The following SLC38A11 variants were observed in gnomAD, a reference collection of about 807,000 sequenced individuals.
SLC38A11 encodes the protein solute carrier family 38 member 11, also known as putative sodium-coupled neutral amino acid transporter 11.
In SLC38A11, 51 loss-of-function variants were observed where a neutral mutation model predicts 49.4. The observed-to-expected ratio is 1.03, with a 90% CI of 0.83 to 1.30. SLC38A11 has a LOEUF of 1.30. Ranked by LOEUF, SLC38A11 falls within the 50% of genes most tolerant of loss-of-function variation. The pLI, the probability that SLC38A11 is intolerant of heterozygous loss-of-function variation, is 0.00. For synonymous variants in SLC38A11, 203 were observed against 192.9 expected (o/e 1.05, Z -0.43); for missense variants, 574 against 556.2 (o/e 1.03, Z -0.32).
chr2:164,916,451 G>C (rs1406092261), intron 7 of SLC38A11, among the ~76,000 whole-genome samples: 1 of 151,918 alleles, frequency 6.6e-6, no homozygotes, highest in East Asian at 1.9e-4. Flanking sequence ...TACTAATTGA[G>C]GATGTACTAT....
chr2:164,952,842 T>G, intron 2 of SLC38A11, 61 bp from the exon 3 acceptor site: 1 of 1,269,656 alleles, frequency 7.9e-7, no homozygotes, highest in Non-Finnish European at 1.1e-6. Flanking sequence ...ACACAGAAAT[T>G]CCCCCCTTCA....
At chr2:164,940,247 TATATATATATCAC>T (rs914960311) in intron 5 of SLC38A11, among the ~76,000 whole-genome samples, 13 of 135,866 alleles carry the variant, frequency 9.6e-5, no homozygotes, top group African/African-American at 3.5e-4. Flanking sequence ...TATATATATA[TATATATATATCAC>T]ATATATAATT....
chr2:164,954,280 A>T (rs1281521243), intron 2 of SLC38A11, among the ~76,000 whole-genome samples: 1 of 152,218 alleles, frequency 6.6e-6, no homozygotes, highest in African/African-American at 2.4e-5. Context: ...TCAAATAATG[A>T]TGGACCCTTC....
chr2:164,906,357 A>G (rs1259466205), intron 11 of SLC38A11, among the ~76,000 whole-genome samples: 2 of 152,184 alleles, frequency 1.3e-5, no homozygotes, highest in Non-Finnish European at 2.9e-5. Context: ...ACATTAAAGA[A>G]AGCATCTTGT....
chr2:164,914,779 C>T (rs1685653818), intron 9 of SLC38A11, among the ~76,000 whole-genome samples: 1 of 152,006 alleles, frequency 6.6e-6, no homozygotes, highest in South Asian at 2.1e-4. Flanking sequence ...CAGAGAGATT[C>T]GGGAGAATCC....
rs1281713686 is a variant in SLC38A11, at chr2:164,931,174, T to C, written c.617+6176A>G. Among the ~76,000 whole-genome samples the C allele has an allele frequency of 2.3e-5, 3 of 128,582 alleles. No individual in the cohort carries two copies. In the Admixed American group the frequency reaches 2.8e-4, roughly 12 times the overall value. The allele number at this position is 128,582 out of a possible 152,430, so 84.4% of individuals were successfully genotyped here. On this transcript the variant is annotated intron_variant, in intron 7 of 11. Transcript: ENST00000685975. ...ACAATTGCCACACACAAAAAGTACC[T>C]AGGAATACAGCTAAGCAGGGAGGTG...
intron 2 of SLC38A11, among the ~76,000 whole-genome samples, chr2:164,953,931 T>G (rs1336671823): frequency 2.0e-5 from 3 of 152,166 alleles, no homozygotes; most frequent in African/African-American, 7.2e-5. Context: ...ATTACTATAA[T>G]GCAATGCACT....
At chr2:164,954,297 T>A (rs1360512908) in intron 2 of SLC38A11, among the ~76,000 whole-genome samples, 4 of 152,056 alleles carry the variant, frequency 2.6e-5, no homozygotes, top group Non-Finnish European at 4.4e-5. Flanking sequence ...CTTCAGTAAG[T>A]GGAAAAAGTA....
chr2:164,944,611 C>G lies in SLC38A11; in HGVS notation c.388G>C (p.Ala130Pro), dbSNP rs1687986416. The G allele has an allele frequency of 2.2e-6, 3 of 1,336,178 alleles. No individual in the cohort carries two copies. The highest frequency in any genetic ancestry group is 4.6e-5 in the South Asian group (2 of 43,352). 82.8% of individuals were successfully genotyped at this position (1,336,178 alleles called of 1,614,324 possible). The part of the protein sequence containing the change: ...FIAMISYNII[A>P]GDTLSKVFQR... ...AAAACTTTGCTCAAAGTATCTCCAGCTATTATATTGTAACTTATCATTGCT... is the reference window on the plus strand; with the variant it reads ...AAAACTTTGCTCAAAGTATCTCCAGGTATTATATTGTAACTTATCATTGCT... The change falls in exon 5 of 12, where the codon GCT (alanine) becomes CCT (proline). Residue 130 changes from alanine (A) to proline (P), a missense_variant. Transcript: ENST00000685975.
intron 11 of SLC38A11, 137 bp downstream of exon 11, chr2:164,908,503 T>C: frequency 1.3e-6 from 1 of 753,516 alleles, no homozygotes; most frequent in Non-Finnish European, 2.0e-6. Context: ...ATTGAAAATA[T>C]TTACTATTAC....
chr2:164,913,998 A>G (rs1368934613), intron 9 of SLC38A11, among the ~76,000 whole-genome samples: 1 of 152,048 alleles, frequency 6.6e-6, no homozygotes. Context: ...CCAGGTTTTC[A>G]GAAAACTAAG....
chr2:164,925,426 T>C (rs1157026113), intron 7 of SLC38A11, among the ~76,000 whole-genome samples: 1 of 152,164 alleles, frequency 6.6e-6, no homozygotes, highest in Non-Finnish European at 1.5e-5. Context: ...TCCAGATAAT[T>C]CTTTGTCACT....
rs200284770 is a variant in SLC38A11 at position 164,947,117 on chromosome 2, C to CTTTTTTTTTTTTTTTT, written c.230-1406_230-1391dup. Among the ~76,000 whole-genome samples the CTTTTTTTTTTTTTTTT allele has an allele frequency of 4.9e-4, 36 of 72,912 alleles. 8 individuals carry two copies. Among genetic ancestry groups the CTTTTTTTTTTTTTTTT allele is most frequent in the African/African-American group, 2.1e-3 (27 of 12,990 alleles). 47.8% of individuals were successfully genotyped at this position (72,912 alleles called of 152,430 possible). ...CCTGGATTCTTGGACTTTTTTATCT[C>CTTTTTTTTTTTTTTTT]TTTTTTTTTTTTTTTTTTTTTTTTT... is the stretch of plus-strand genomic sequence containing the variant. On this transcript the variant is annotated intron_variant, in intron 3 of 11. Transcript: ENST00000685975.
intron 3 of SLC38A11, 77 bp downstream of exon 3, chr2:164,952,628 ATG>A (rs35633373): frequency 0.34 from 247,914 of 736,820 alleles, 21,267 homozygotes; most frequent in South Asian, 0.43. Context: ...CAGTTGCAGC[ATG>A]TGTGTGTGTG....
At chr2:164,949,798 G>A (rs1008953457) in intron 3 of SLC38A11, 4 of 152,232 alleles carry the variant, frequency 2.6e-5, no homozygotes, top group African/African-American at 7.2e-5. Flanking sequence ...CATGATGGCT[G>A]AGAACGTCTG....
chr2:164,936,553 G>A (rs1687386605), intron 7 of SLC38A11, among the ~76,000 whole-genome samples: 1 of 151,966 alleles, frequency 6.6e-6, no homozygotes, highest in African/African-American at 2.4e-5. Context: ...AAACATTTAA[G>A]GTATCCTGGA....
At chr2:164,909,338 A>G (rs1320816351) in intron 10 of SLC38A11, among the ~76,000 whole-genome samples, 1 of 152,158 alleles carries the variant, frequency 6.6e-6, no homozygotes, top group Non-Finnish European at 1.5e-5. Context: ...CAGGAAAGCA[A>G]TAAAAAATTA....
intron 5 of SLC38A11, among the ~76,000 whole-genome samples, chr2:164,942,049 C>T (rs17353673): frequency 0.069 from 10,461 of 152,190 alleles, 397 homozygotes; most frequent in Admixed American, 0.1. Flanking sequence ...GTTTTCTCCA[C>T]TGGGCTTGTC....
intron 3 of SLC38A11, among the ~76,000 whole-genome samples, chr2:164,947,208 T>C (rs1688191998): frequency 7.3e-6 from 1 of 137,726 alleles, no homozygotes; most frequent in African/African-American, 2.7e-5. Context: ...CCTGGCTCAC[T>C]GCAACTTCCG....
Sources: allele counts gnomAD v4.1 joint callset (sites outside exome capture counted in the v4.1 genomes callset), GRCh38; gene constraint gnomAD v4.1.1; transcripts MANE v1.5; gene names NCBI Gene and HGNC (gene_info 2026-07-23, HGNC 2026-07-21).